The following GPCPD1 variants were observed in gnomAD, a reference collection of about 807,000 sequenced individuals.
GPCPD1 encodes the protein glycerophosphocholine phosphodiesterase 1.
Under a neutral mutation model 89.2 loss-of-function variants are expected in GPCPD1, and 29 were observed. The observed-to-expected ratio is 0.33, with a 90% CI of 0.24 to 0.44. The LOEUF (loss-of-function observed/expected upper bound fraction) is 0.44. GPCPD1 is among the 20% of genes least tolerant of loss of function. The pLI, the probability that GPCPD1 is intolerant of heterozygous loss-of-function variation, is 1.00. For synonymous variants in GPCPD1, 258 were observed against 266.3 expected (o/e 0.97, Z 0.30); for missense variants, 594 against 808.9 (o/e 0.73, Z 3.22).
intron 4 of GPCPD1, among the ~76,000 whole-genome samples, chr20:5,592,365 T>A (rs1979388736): frequency 6.6e-6 from 1 of 152,338 alleles, no homozygotes; most frequent in Non-Finnish European, 1.5e-5. Context: ...AACACAATGA[T>A]CAACCACAAT....
At chr20:5,575,041 C>G (rs1005232090) in intron 10 of GPCPD1, among the ~76,000 whole-genome samples, 1 of 152,194 alleles carries the variant, frequency 6.6e-6, no homozygotes, top group East Asian at 1.9e-4. Flanking sequence ...TTTAGTCACA[C>G]TTTTCTAGAC....
At chr20:5,600,021 A>T (rs1468028079) in intron 2 of GPCPD1, among the ~76,000 whole-genome samples, 1 of 152,238 alleles carries the variant, frequency 6.6e-6, no homozygotes, top group Non-Finnish European at 1.5e-5. Flanking sequence ...ATATCAACAC[A>T]TTCTGAATAC....
intron 2 of GPCPD1, among the ~76,000 whole-genome samples, chr20:5,603,474 G>A (rs553591659): frequency 1.1e-4 from 16 of 152,126 alleles, no homozygotes; most frequent in African/African-American, 3.9e-4. Context: ...TCTAGGCAGA[G>A]GAAACAGCAT....
At chr20:5,582,047 G>C (rs1202440037) in intron 6 of GPCPD1, among the ~76,000 whole-genome samples, 1 of 147,558 alleles carries the variant, frequency 6.8e-6, no homozygotes, top group South Asian at 2.1e-4. Flanking sequence ...TTAGCCGGGC[G>C]TGGTAGCGGG....
intron 3 of GPCPD1, among the ~76,000 whole-genome samples, chr20:5,594,546 C>T (rs979391927): frequency 5.3e-5 from 8 of 152,112 alleles, no homozygotes; most frequent in South Asian, 2.1e-4. Context: ...ACCGCCTCGG[C>T]CTCCCAAAGT....
chr20:5,580,061 A>T lies in GPCPD1; in HGVS notation c.420T>A (p.Ser140=), dbSNP rs748820900. The T allele has an allele frequency of 2.7e-6, 4 of 1,508,544 alleles. No individual in the cohort carries two copies. The highest frequency in any genetic ancestry group is 3.7e-6 in the Non-Finnish European group (4 of 1,084,320). 93.4% of individuals were successfully genotyped at this position (1,508,544 alleles called of 1,614,324 possible). A position where few individuals can be genotyped will look rare whatever the true frequency, so the allele number is the denominator to read the frequency against. Residue 140 remains serine (S), a synonymous_variant, in exon 7 of 20, where the codon TCT becomes TCA. Coordinates refer to ENST00000379019, the MANE Select transcript of GPCPD1 (RefSeq NM_019593.5). ...QTEIRLRLHY[S]EKPPVSITKK... ...TGGTTATTGACACAGGAGGTTTTTCAGAATAATGCAAACGTAATCTTATTT... is the reference window on the plus strand; with the variant it reads ...TGGTTATTGACACAGGAGGTTTTTCTGAATAATGCAAACGTAATCTTATTT...
chr20:5,555,514 G>A (rs1233600729), intron 19 of GPCPD1, among the ~76,000 whole-genome samples: 1 of 152,104 alleles, frequency 6.6e-6, no homozygotes, highest in African/African-American at 2.4e-5. Context: ...ACTGCAGCCT[G>A]GGCGACAGAG....
intron 4 of GPCPD1, among the ~76,000 whole-genome samples, chr20:5,587,959 T>C (rs1979044886): frequency 6.6e-6 from 1 of 152,192 alleles, no homozygotes; most frequent in South Asian, 2.1e-4. Context: ...TCATTACTCC[T>C]GGGATACTAA....
intron 15 of GPCPD1, 43 bp from the exon 16 acceptor site, chr20:5,561,573 G>T (rs1367576019): frequency 2.1e-6 from 2 of 954,756 alleles, no homozygotes; most frequent in East Asian, 4.8e-5. Flanking sequence ...TGATGAGATG[G>T]ATAGCAGAAT....
intron 19 of GPCPD1, chr20:5,549,335 T>C: frequency 9.1e-7 from 1 of 1,101,522 alleles, no homozygotes; most frequent in South Asian, 1.2e-5. Flanking sequence ...GACTACTGAA[T>C]GTGAAAACAG....
chr20:5,581,948 G>T (rs1978531882), intron 6 of GPCPD1, among the ~76,000 whole-genome samples: 1 of 147,918 alleles, frequency 6.8e-6, no homozygotes, highest in African/African-American at 2.5e-5. Context: ...ACTTTGGGAG[G>T]CCGAGGCGGG....
At chr20:5,565,223 AT>A in intron 14 of GPCPD1, 145 bp from the exon 15 acceptor site, 4 of 560,158 alleles carry the variant, frequency 7.1e-6, no homozygotes, top group Admixed American at 3.3e-5. Flanking sequence ...TAACTCTGAG[AT>A]CCCTTTTTTT....
chr20:5,607,053 G>A (rs1600815641), intron 1 of GPCPD1, among the ~76,000 whole-genome samples: 1 of 151,130 alleles, frequency 6.6e-6, no homozygotes, highest in South Asian at 2.1e-4. Flanking sequence ...TTAGGAAGCC[G>A]AGGCGGGTGG....
At chr20:5,594,375 C>T (rs1486697260) in intron 3 of GPCPD1, among the ~76,000 whole-genome samples, 11 of 151,938 alleles carry the variant, frequency 7.2e-5, no homozygotes, top group African/African-American at 2.4e-4. Flanking sequence ...CTGCAAGCTC[C>T]GCCTCCCGGG....
intron 19 of GPCPD1, among the ~76,000 whole-genome samples, chr20:5,557,532 G>A (rs1184673872): frequency 6.6e-6 from 1 of 152,188 alleles, no homozygotes; most frequent in Admixed American, 6.5e-5. Context: ...ACTGTAAGAG[G>A]AACAGGTGTC....
chr20:5,604,467 T>C (rs1345968865), intron 1 of GPCPD1, 27 bp from the exon 2 acceptor site: 7 of 1,111,984 alleles, frequency 6.3e-6, no homozygotes, highest in Admixed American at 2.0e-5. Flanking sequence ...AAGTAACTTA[T>C]AGTATAAAAA....
At chr20:5,600,282 G>A (rs899489687) in intron 2 of GPCPD1, among the ~76,000 whole-genome samples, 3 of 152,260 alleles carry the variant, frequency 2.0e-5, no homozygotes, top group African/African-American at 4.8e-5. Flanking sequence ...TGGGCCGGGC[G>A]CAGTGGCCCA....
chr20:5,549,179 G>T, intron 19 of GPCPD1: 1 of 665,762 alleles, frequency 1.5e-6, no homozygotes, highest in South Asian at 1.4e-5. Flanking sequence ...AATTTACATT[G>T]AACAAACAGC....
chr20:5,605,140 G>A (rs1170286926), intron 1 of GPCPD1, among the ~76,000 whole-genome samples: 5 of 152,090 alleles, frequency 3.3e-5, no homozygotes. Context: ...CAGAATATAT[G>A]TTCAAAAAGA....
Sources: allele counts gnomAD v4.1 joint callset (sites outside exome capture counted in the v4.1 genomes callset), GRCh38; gene constraint gnomAD v4.1.1; transcripts MANE v1.5; gene names NCBI Gene and HGNC (gene_info 2026-07-23, HGNC 2026-07-21).